SETD7: variants seen among roughly 807,000 people sequenced by gnomAD.
SETD7 encodes the protein SET domain containing 7, histone lysine methyltransferase.
A neutral mutation model predicts 41.8 loss-of-function variants in SETD7; 16 were observed. That is an observed-to-expected ratio of 0.38 (90% CI 0.26 to 0.58). SETD7 has a LOEUF of 0.58. SETD7 is among the 20% of genes least tolerant of loss of function. The probability of loss-of-function intolerance (pLI) is 0.64; values close to 1 mark genes in which losing one functional copy is unlikely to be tolerated. For missense variants in SETD7, 346 were observed against 459.7 expected, an observed-to-expected ratio of 0.75 and a Z score of 2.26; for synonymous variants, 163 against 169.7, an observed-to-expected ratio of 0.96 and a Z score of 0.31.
At chr4:139,516,193 C>G (rs567855602) in intron 7 of SETD7, among the ~76,000 whole-genome samples, 2 of 152,032 alleles carry the variant, frequency 1.3e-5, no homozygotes, top group Non-Finnish European at 2.9e-5. Context: ...AGGCCGGGGG[C>G]GGTGGCTCAC....
At chr4:139,502,164 G>T (rs1457966324), downstream of SETD7, among the ~76,000 whole-genome samples, 1 of 152,164 alleles carries the variant, frequency 6.6e-6, no homozygotes, top group Non-Finnish European at 1.5e-5. Context: ...CTCACTCTAC[G>T]AGTATTTATT....
rs1394105657 is a variant in SETD7, at chr4:139,527,609, C to T, written c.562+1422G>A. Among the ~76,000 whole-genome samples, 4 of 152,102 alleles carry T rather than the reference C, an allele frequency of 2.6e-5. No homozygotes were observed. In the East Asian group the frequency reaches 7.7e-4, roughly 29 times the overall value. The stretch of plus-strand genomic sequence containing the variant: ...AAAATATGGCATAATCTTATGGTAC[C>T]ACAGTTGTTATGGGCCCATGACTGT... On this transcript the variant is annotated intron_variant, in intron 4 of 7. Coordinates refer to ENST00000274031, the MANE Select transcript of SETD7 (RefSeq NM_030648.4).
intron 2 of SETD7, among the ~76,000 whole-genome samples, chr4:139,540,311 C>G (rs1727746374): frequency 6.6e-6 from 1 of 152,152 alleles, no homozygotes; most frequent in African/African-American, 2.4e-5. Flanking sequence ...TGTTAAGGCC[C>G]CTACAAGAAC....
At position 139,555,644 on chromosome 4, in the gene SETD7, G is replaced by A. The variant is rs528867662; in HGVS notation, c.40+454C>T. Among the ~76,000 whole-genome samples the A allele has an allele frequency of 3.3e-5, 5 of 152,220 alleles. No individual in the cohort carries two copies. The highest frequency in any genetic ancestry group is 7.4e-5 in the Non-Finnish European group (5 of 67,982). On this transcript the variant is annotated intron_variant, in intron 1 of 7. Transcript: ENST00000274031. This position sits in a 1 kb window ranked among gnomAD's most constrained non-coding sequence, Gnocchi z 4.0. ...GGCCGCGGCCGCCGCGGGGCGCAGAGGCAGCAGAAGGGAAGGGCTGGCGGC... is the reference window on the plus strand; with the variant it reads ...GGCCGCGGCCGCCGCGGGGCGCAGAAGCAGCAGAAGGGAAGGGCTGGCGGC...
At chr4:139,528,108 C>A (rs563306227) in intron 4 of SETD7, among the ~76,000 whole-genome samples, 2 of 152,124 alleles carry the variant, frequency 1.3e-5, no homozygotes, top group Non-Finnish European at 2.9e-5. Context: ...ATTCAAATAG[C>A]TTTCTTAAGC....
intron 5 of SETD7, among the ~76,000 whole-genome samples, chr4:139,522,171 C>T (rs1158934823): frequency 6.6e-6 from 1 of 152,216 alleles, no homozygotes; most frequent in African/African-American, 2.4e-5. Flanking sequence ...AGAGTCCATT[C>T]ATCATTGTGA....
intron 7 of SETD7, among the ~76,000 whole-genome samples, chr4:139,497,450 C>T (rs921921542): frequency 6.6e-6 from 1 of 151,314 alleles, no homozygotes; most frequent in African/African-American, 2.4e-5. Context: ...AAGAGCGAAA[C>T]TCCGTCTCAA....
intron 1 of SETD7, among the ~76,000 whole-genome samples, chr4:139,553,636 A>G (rs1369299998): frequency 6.6e-6 from 1 of 152,212 alleles, no homozygotes; most frequent in Non-Finnish European, 1.5e-5. Context: ...TTAGGATAAT[A>G]TTAGTACCCA....
chr4:139,496,388 C>G (rs776818222), exon 8 of SETD7: 2 of 702,310 alleles, frequency 2.8e-6, no homozygotes, highest in South Asian at 3.0e-5. Flanking sequence ...AGCATCAGTC[C>G]TTGGGCTGCA....
chr4:139,522,548 T>C (rs1727204924), intron 5 of SETD7, among the ~76,000 whole-genome samples: 1 of 152,056 alleles, frequency 6.6e-6, no homozygotes, highest in African/African-American at 2.4e-5. Context: ...CTTCTGTTTG[T>C]GAAAAAAGAA....
Position 139,517,968 on chromosome 4 carries a change from C to A in SETD7, c.837G>T (p.Glu279Asp). The change falls in exon 7 of 8, where the codon GAG becomes GAT. Residue 279 changes from glutamate (E) to aspartate (D), a missense_variant. Glu to Asp is a conservative substitution (Grantham distance 45, BLOSUM62 2). Around this residue, in one of 3 missense-constraint regions of SETD7, gnomAD observed 266 missense variants for 377.0 expected, o/e 0.71. Coordinates refer to ENST00000274031, the MANE Select transcript of SETD7 (RefSeq NM_030648.4). ...LDEETVIDVP[E>D]PYNHVSKYCA... Reference sequence around the variant, plus strand: ...AGTACTTGGATACGTGGTTATAGGGCTCAGGCACATCAATGACCGTTTCTT... The same window carrying A: ...AGTACTTGGATACGTGGTTATAGGGATCAGGCACATCAATGACCGTTTCTT... 2 of 1,614,074 alleles carry A rather than the reference C, an allele frequency of 1.2e-6. No individual in the cohort carries two copies. The highest frequency in any genetic ancestry group is 1.7e-6 in the Non-Finnish European group (2 of 1,179,984).
downstream of SETD7, among the ~76,000 whole-genome samples, chr4:139,493,565 G>A (rs898607498): frequency 3.3e-5 from 5 of 151,002 alleles, no homozygotes; most frequent in Non-Finnish European, 4.4e-5. Flanking sequence ...TTGAGACAGG[G>A]TCTCACTCTG....
At chr4:139,497,723 G>T (rs1726492061) in intron 7 of SETD7, among the ~76,000 whole-genome samples, 1 of 151,750 alleles carries the variant, frequency 6.6e-6, no homozygotes, top group Admixed American at 6.6e-5. Context: ...CTGAGTAGCT[G>T]GGATTACAGG....
At chr4:139,521,923 G>A (rs1343821531) in intron 5 of SETD7, among the ~76,000 whole-genome samples, 2 of 152,240 alleles carry the variant, frequency 1.3e-5, no homozygotes, top group East Asian at 1.9e-4. Flanking sequence ...TAGGCCAGCT[G>A]AGCTTAGCTG....
At chr4:139,532,736 A>C (rs778453308) in intron 3 of SETD7, 13 of 212,452 alleles carry the variant, frequency 6.1e-5, no homozygotes, top group Non-Finnish European at 1.1e-4. Context: ...AAGTAACAAC[A>C]GTGCAGTAAG....
chr4:139,549,638 C>T (rs891775393), intron 1 of SETD7, among the ~76,000 whole-genome samples: 18 of 151,786 alleles, frequency 1.2e-4, no homozygotes, highest in African/African-American at 3.1e-4. Flanking sequence ...CAGGGTCTCA[C>T]CCTGTTACTC....
chr4:139,531,542 C>T (rs1727482359), intron 3 of SETD7, among the ~76,000 whole-genome samples: 1 of 152,198 alleles, frequency 6.6e-6, no homozygotes. Context: ...GATCTTTCTG[C>T]TTCTCTTCTC....
chr4:139,539,441 T>C (rs1727726726), intron 2 of SETD7, among the ~76,000 whole-genome samples: 1 of 152,190 alleles, frequency 6.6e-6, no homozygotes, highest in African/African-American at 2.4e-5. Context: ...CTTCAACTTC[T>C]CCCAAGGTGT....
downstream of SETD7, among the ~76,000 whole-genome samples, chr4:139,505,631 G>A (rs551045401): frequency 3.3e-5 from 5 of 152,158 alleles, no homozygotes; most frequent in Admixed American, 1.3e-4. Context: ...ATTAGGGCAG[G>A]AATAAGGGAT....
Sources: allele counts gnomAD v4.1 joint callset (sites outside exome capture counted in the v4.1 genomes callset), GRCh38; gene constraint gnomAD v4.1.1; regional missense constraint gnomAD v4.1.1; non-coding constraint Gnocchi (gnomAD v3.1); transcripts MANE v1.5; gene names NCBI Gene and HGNC (gene_info 2026-07-23, HGNC 2026-07-21).